Variants in G3BP1 observed in about 807,000 individuals in gnomAD.
G3BP1 encodes the protein ras GTPase-activating protein-binding protein 1.
G3BP1 carries 35 observed loss-of-function variants against 58.6 expected under a neutral mutation model. That is an observed-to-expected ratio of 0.60 (90% confidence interval 0.46 to 0.79). The LOEUF (loss-of-function observed/expected upper bound fraction) is 0.79. Among genes scored for constraint, G3BP1 ranks in the 30% least tolerant of loss-of-function variants. The probability of loss-of-function intolerance (pLI) is 0.00; values close to 1 mark genes in which losing one functional copy is unlikely to be tolerated. For missense variants in G3BP1, 523 were observed against 580.8 expected (o/e 0.90, Z 1.02); for synonymous variants, 191 against 195.4 (o/e 0.98, Z 0.19).
intron 2 of G3BP1, chr5:151,787,727 C>A: frequency 7.9e-6 from 2 of 252,242 alleles, no homozygotes; most frequent in Non-Finnish European, 1.6e-5. Flanking sequence ...TGTGTATTTG[C>A]TGGACCAGAA....
At chr5:151,800,197 A>G in intron 9 of G3BP1, 21 bp from the exon 10 acceptor site, 2 of 1,609,376 alleles carry the variant, frequency 1.2e-6, no homozygotes, top group Non-Finnish European at 1.7e-6. Context: ...TCTTTCATTG[A>G]TGTTTTTGTC....
intron 1 of G3BP1, among the ~76,000 whole-genome samples, chr5:151,778,583 A>C (rs1762413712): frequency 6.6e-6 from 1 of 152,114 alleles, no homozygotes; most frequent in South Asian, 2.1e-4. Flanking sequence ...CTGGGATTAC[A>C]GGTATCCACC....
rs545494859 is a variant in G3BP1, at chr5:151,807,246, T to C, written c.*3155T>C. On this transcript the variant is annotated 3_prime_UTR_variant, in exon 12 of 12. Transcript: ENST00000356245. ...TTAGGTGATATTGTCCTCAGCACAA[T>C]AGATGAGGAAGAAACTGAATCAGAA... The C allele has an allele frequency of 2.6e-5, 4 of 152,312 alleles. No homozygotes were observed. In the South Asian group the frequency reaches 6.2e-4, roughly 24 times the overall value. 9.4% of individuals were successfully genotyped at this position (152,312 alleles called of 1,614,324 possible).
chr5:151,794,346 C>T (rs1481752323), intron 5 of G3BP1, 97 bp downstream of exon 5: 4 of 696,362 alleles, frequency 5.7e-6, no homozygotes, highest in South Asian at 1.6e-5. Context: ...GTTTTCATTA[C>T]ACTCTGTTCT....
At chr5:151,795,852 A>C (rs1762739851) in intron 6 of G3BP1, among the ~76,000 whole-genome samples, 1 of 152,184 alleles carries the variant, frequency 6.6e-6, no homozygotes, top group Non-Finnish European at 1.5e-5. Flanking sequence ...GAAAACTTGC[A>C]TATTGTTTAT....
chr5:151,800,792 A>C lies in G3BP1; in HGVS notation c.1117A>C (p.Ser373Arg). 1.2e-6 allele frequency: 2 copies of C among 1,612,600 alleles called. No homozygotes were observed. The highest frequency in any genetic ancestry group is 1.7e-6 in the Non-Finnish European group (2 of 1,178,696). The change falls in exon 11 of 12, where the codon AGT becomes CGT. Residue 373 changes from serine (S) to arginine (R), a missense_variant. By Grantham distance (110) the Ser-to-Arg change is moderately radical. Coordinates refer to ENST00000356245, the MANE Select transcript of G3BP1 (RefSeq NM_005754.3). Reference sequence around the variant, plus strand: ...AAACGTGGTGGAGTTGCGCATTAACAGTGGTGGGAAATTACCCAATTTTGG... The same window carrying C: ...AAACGTGGTGGAGTTGCGCATTAACCGTGGTGGGAAATTACCCAATTTTGG... ...YGNVVELRIN[S>R]GGKLPNFGFV...
chr5:151,797,207 C>T lies in G3BP1; in HGVS notation c.540-20C>T, dbSNP rs1762767576. On this transcript the variant is annotated intron_variant, in intron 6 of 11. Coordinates refer to ENST00000356245, the MANE Select transcript of G3BP1 (RefSeq NM_005754.3). ...AATAAATGGTGGCAGAATGATATTT[C>T]TCAAATTTTCCTGTCAAAGTAATGA... The T allele has an allele frequency of 4.3e-6, 7 of 1,611,086 alleles. No homozygotes were observed. The highest frequency in any genetic ancestry group is 5.9e-6 in the Non-Finnish European group (7 of 1,178,318).
At chr5:151,799,357 A>AT in intron 8 of G3BP1, 44 bp downstream of exon 8, 1 of 962,138 alleles carries the variant, frequency 1.0e-6, no homozygotes, top group South Asian at 1.3e-5. Context: ...ATTTACTTCT[A>AT]TTGTGGTAAT....
At chr5:151,783,578 A>C (rs1762508766) in intron 1 of G3BP1, among the ~76,000 whole-genome samples, 1 of 151,678 alleles carries the variant, frequency 6.6e-6, no homozygotes, top group South Asian at 2.1e-4. Flanking sequence ...TTTAGGAGAG[A>C]CAGGGTTTCA....
intron 11 of G3BP1, among the ~76,000 whole-genome samples, chr5:151,802,104 A>G (rs1336920612): frequency 6.6e-6 from 1 of 152,222 alleles, no homozygotes; most frequent in African/African-American, 2.4e-5. Flanking sequence ...GGTGCGAGCC[A>G]ATGCACCTGG....
intron 11 of G3BP1, among the ~76,000 whole-genome samples, chr5:151,802,926 C>G (rs1051402261): frequency 5.9e-5 from 9 of 152,132 alleles, no homozygotes; most frequent in Admixed American, 2.0e-4. Flanking sequence ...GAGCGAGACT[C>G]CATCTCAAAA....
At chr5:151,799,372 T>C (rs1762811839) in intron 8 of G3BP1, 59 bp downstream of exon 8, 3 of 884,640 alleles carry the variant, frequency 3.4e-6, no homozygotes, top group Non-Finnish European at 5.8e-6. Flanking sequence ...GGTAATTTGA[T>C]TCAACAGAGG....
chr5:151,792,945 C>T (rs951510596), intron 4 of G3BP1, among the ~76,000 whole-genome samples: 1 of 152,040 alleles, frequency 6.6e-6, no homozygotes, highest in Non-Finnish European at 1.5e-5. Context: ...GGAGTAACAG[C>T]CTTAGAAACT....
intron 1 of G3BP1, among the ~76,000 whole-genome samples, chr5:151,774,190 G>C (rs1399061431): frequency 2.0e-5 from 3 of 152,156 alleles, no homozygotes; most frequent in Non-Finnish European, 4.4e-5. Flanking sequence ...AAAAGTCTAA[G>C]CTTTTGTACC....
intron 1 of G3BP1, among the ~76,000 whole-genome samples, chr5:151,783,518 G>A (rs1437193623): frequency 6.7e-6 from 1 of 150,214 alleles, no homozygotes; most frequent in African/African-American, 2.5e-5. Flanking sequence ...AGTGATTCTC[G>A]TGCTTCAGCC....
At chr5:151,776,297 C>T (rs1464552735) in intron 1 of G3BP1, among the ~76,000 whole-genome samples, 1 of 152,142 alleles carries the variant, frequency 6.6e-6, no homozygotes, top group Non-Finnish European at 1.5e-5. Flanking sequence ...TGATTTGGTT[C>T]AGGTGGTATC....
intron 2 of G3BP1, chr5:151,787,896 CGTGTGTGTGTGTGTGTGCATGTGT>C: frequency 5.3e-6 from 1 of 190,472 alleles, no homozygotes; most frequent in Non-Finnish European, 1.1e-5. Context: ...GAATATATCT[CGTGTGTGTGTGTGTGTGCATGTGT>C]GTGTGTGTGT....
intron 9 of G3BP1, 49 bp from the exon 10 acceptor site, chr5:151,800,169 G>C (rs776724569): frequency 1.3e-6 from 2 of 1,590,180 alleles, no homozygotes; most frequent in Non-Finnish European, 8.6e-7. Flanking sequence ...GTCATTGAAA[G>C]ATGTCTTCTT....
At position 151,794,234 on chromosome 5, in the gene G3BP1, A is replaced by C. The variant is rs560311383; in HGVS notation, c.427A>C (p.Thr143Pro). The change falls in exon 5 of 12, where the codon ACT (threonine) becomes CCT (proline). Residue 143 changes from threonine (T) to proline (P), a missense_variant. By Grantham distance (38) the Thr-to-Pro change is conservative. Transcript: ENST00000356245. Reference protein sequence around the residue: ...YQDEVFGGFVTEPQEESEEEV... With the variant: ...YQDEVFGGFVPEPQEESEEEV... Reference sequence around the variant, plus strand: ...AGATGAGGTCTTTGGTGGGTTTGTCACTGAGCCTCAGGAGGGTAAGTAGTG... The same window carrying C: ...AGATGAGGTCTTTGGTGGGTTTGTCCCTGAGCCTCAGGAGGGTAAGTAGTG... 5 of 1,598,846 alleles carry C rather than the reference A, an allele frequency of 3.1e-6. No homozygotes were observed. Among genetic ancestry groups the C allele is most frequent in the Non-Finnish European group, 4.3e-6 (5 of 1,166,102 alleles).
Sources: allele counts gnomAD v4.1 joint callset (sites outside exome capture counted in the v4.1 genomes callset), GRCh38; gene constraint gnomAD v4.1.1; transcripts MANE v1.5; gene names NCBI Gene and HGNC (gene_info 2026-07-23, HGNC 2026-07-21).